Variants in TCF4 observed in about 807,000 individuals in gnomAD.
TCF4 encodes the protein SL3-3 enhancer factor 2.
TCF4 carries 3 observed loss-of-function variants against 82.1 expected under a neutral mutation model. That is an observed-to-expected ratio of 0.04 (90% CI 0.02 to 0.09). TCF4 has a LOEUF of 0.09. TCF4 is among the 10% of genes least tolerant of loss of function. TCF4 has a pLI of 1.00. For missense variants in TCF4, 518 were observed against 852.7 expected (o/e 0.61, Z 4.89); for synonymous variants, 276 against 309.6 (o/e 0.89, Z 1.14).
intron 3 of TCF4, among the ~76,000 whole-genome samples, chr18:55,581,959 C>G (rs566882225): frequency 6.6e-6 from 1 of 152,262 alleles, no homozygotes; most frequent in East Asian, 1.9e-4. Flanking sequence ...GATGTAGTAT[C>G]TGTCATAGAC....
At chr18:55,271,510 G>C (rs556457354) in intron 10 of TCF4, among the ~76,000 whole-genome samples, 10 of 152,196 alleles carry the variant, frequency 6.6e-5, no homozygotes, top group African/African-American at 2.4e-4. Flanking sequence ...TTTCAAAGAC[G>C]CATGAATGTT....
intron 3 of TCF4, among the ~76,000 whole-genome samples, chr18:55,537,186 C>CA (rs1177440487): frequency 1.4e-5 from 2 of 146,950 alleles, no homozygotes; most frequent in African/African-American, 2.5e-5. Context: ...AAAGGCTTTA[C>CA]AAAAAAGCCA....
chr18:55,527,175 C>T (rs1390770052), intron 3 of TCF4, among the ~76,000 whole-genome samples: 6 of 152,214 alleles, frequency 3.9e-5, no homozygotes, highest in Non-Finnish European at 4.4e-5. Context: ...GGTCCCCTCA[C>T]TCTAGCCCGC....
At chr18:55,278,545 CATTT>C (rs1227303321) in intron 9 of TCF4, among the ~76,000 whole-genome samples, 6 of 147,756 alleles carry the variant, frequency 4.1e-5, no homozygotes, top group Non-Finnish European at 9.0e-5. Flanking sequence ...TTAAAAAATT[CATTT>C]ATTTATTTGT....
chr18:55,474,508 T>C lies in TCF4; in HGVS notation c.146-10371A>G, dbSNP rs2145304317. 2.0e-5 allele frequency among the ~76,000 whole-genome samples: 3 copies of C among 152,340 alleles called. 1 individual carries two copies. The highest frequency in any genetic ancestry group is 2.0e-4 in the Admixed American group (3 of 15,294). On this transcript the variant is annotated intron_variant, in intron 3 of 19. Transcript: ENST00000354452. ...ATTTTGAGGGTGTTTCTATTACTTATTTATTGGTACCTGACCAATCTTGAA... is the reference window on the plus strand; with the variant it reads ...ATTTTGAGGGTGTTTCTATTACTTACTTATTGGTACCTGACCAATCTTGAA...
At chr18:55,296,550 T>C (rs2066544790) in intron 8 of TCF4, among the ~76,000 whole-genome samples, 1 of 152,188 alleles carries the variant, frequency 6.6e-6, no homozygotes, top group African/African-American at 2.4e-5. Flanking sequence ...ATCTTCATCA[T>C]GTTTTACCTG....
At chr18:55,459,057 G>T (rs1473838460) in intron 5 of TCF4, among the ~76,000 whole-genome samples, 1 of 152,162 alleles carries the variant, frequency 6.6e-6, no homozygotes, top group African/African-American at 2.4e-5. Flanking sequence ...TCCTTTCACT[G>T]GGAACAGTGG....
intron 15 of TCF4, among the ~76,000 whole-genome samples, chr18:55,251,303 T>G (rs1218137310): frequency 1.3e-5 from 2 of 149,348 alleles, no homozygotes; most frequent in Admixed American, 6.7e-5. Context: ...GCTCTTGTGT[T>G]ATGAGCCATG....
At chr18:55,461,403 T>A (rs1252031005) in intron 4 of TCF4, among the ~76,000 whole-genome samples, 2 of 152,210 alleles carry the variant, frequency 1.3e-5, no homozygotes, top group Non-Finnish European at 2.9e-5. Flanking sequence ...AAATAGTGTA[T>A]GTAAGACACC....
At chr18:55,383,131 G>A (rs1277204476) in intron 6 of TCF4, among the ~76,000 whole-genome samples, 1 of 152,186 alleles carries the variant, frequency 6.6e-6, no homozygotes, top group Non-Finnish European at 1.5e-5. Context: ...TCTCCAACCA[G>A]TTTAATGACG....
intron 3 of TCF4, among the ~76,000 whole-genome samples, chr18:55,470,797 G>A (rs2096159823): frequency 6.6e-6 from 1 of 152,148 alleles, no homozygotes; most frequent in African/African-American, 2.4e-5. Flanking sequence ...GAAATATATT[G>A]ATTTCTTAAT....
intron 3 of TCF4, among the ~76,000 whole-genome samples, chr18:55,545,065 A>T (rs2097194444): frequency 6.6e-6 from 1 of 152,240 alleles, no homozygotes; most frequent in Non-Finnish European, 1.5e-5. Context: ...AAGTGCTGAC[A>T]TTCAAATCCT....
At chr18:55,472,917 T>C (rs1374392554) in intron 3 of TCF4, among the ~76,000 whole-genome samples, 2 of 152,226 alleles carry the variant, frequency 1.3e-5, no homozygotes, top group Non-Finnish European at 2.9e-5. Flanking sequence ...GTAGATACTT[T>C]AGAAAACAAA....
At chr18:55,274,019 T>C (rs1455640625) in intron 10 of TCF4, among the ~76,000 whole-genome samples, 1 of 151,870 alleles carries the variant, frequency 6.6e-6, no homozygotes, top group East Asian at 1.9e-4. Flanking sequence ...AATGGGCAAC[T>C]CTTAAAAGAA....
At chr18:55,427,251 C>G (rs1035175544) in intron 5 of TCF4, among the ~76,000 whole-genome samples, 5 of 152,076 alleles carry the variant, frequency 3.3e-5, no homozygotes, top group African/African-American at 1.2e-4. Flanking sequence ...AGAAGAGGTA[C>G]TGGATGAGGG....
At chr18:55,334,146 G>A (rs540965605) in intron 8 of TCF4, among the ~76,000 whole-genome samples, 1 of 152,158 alleles carries the variant, frequency 6.6e-6, no homozygotes, top group South Asian at 2.1e-4. Flanking sequence ...GGAATGTGGG[G>A]ACACAGACTA....
chr18:55,571,090 T>C (rs1047193085), intron 3 of TCF4, among the ~76,000 whole-genome samples: 1 of 152,016 alleles, frequency 6.6e-6, no homozygotes, highest in Non-Finnish European at 1.5e-5. Context: ...TATCCACTCA[T>C]ATACCCCACA....
chr18:55,504,912 G>A (rs750725497), intron 3 of TCF4, among the ~76,000 whole-genome samples: 31 of 152,058 alleles, frequency 2.0e-4, no homozygotes, highest in Non-Finnish European at 4.1e-4. Flanking sequence ...GTGCAGAAAG[G>A]CAATGGCTTT....
At chr18:55,228,429 T>C in intron 18 of TCF4, 68 bp from the exon 19 acceptor site, 3 of 1,591,000 alleles carry the variant, frequency 1.9e-6, no homozygotes, top group South Asian at 2.2e-5. Flanking sequence ...AGCAATGCAC[T>C]CTTCTTGCGT....
Sources: gnomAD v4.1 joint callset for allele counts (sites outside exome capture counted in the v4.1 genomes callset) on GRCh38, gnomAD v4.1.1 for gene constraint, MANE v1.5 for transcripts, NCBI Gene and HGNC (gene_info 2026-07-23, HGNC 2026-07-21) for gene names.